SOAT1: variants seen among roughly 807,000 people sequenced by gnomAD.
SOAT1 encodes sterol O-acyltransferase 1, also known as acyl-coenzyme A:cholesterol acyltransferase 1.
In SOAT1, 55 loss-of-function variants were observed where a neutral mutation model predicts 69.5. The observed-to-expected ratio is 0.79, with a 90% CI of 0.64 to 0.99. The LOEUF is 0.99. SOAT1 is among the 50% of genes least tolerant of loss of function. SOAT1 has a pLI of 0.00. For missense variants in SOAT1, 580 were observed against 669.3 expected, an observed-to-expected ratio of 0.87 and a Z score of 1.47; for synonymous variants, 231 against 224.7, an observed-to-expected ratio of 1.03 and a Z score of -0.25.
At chr1:179,345,760 G>C (rs1666512204) in intron 11 of SOAT1, among the ~76,000 whole-genome samples, 2 of 151,948 alleles carry the variant, frequency 1.3e-5, no homozygotes, top group African/African-American at 4.8e-5. Context: ...ATGTTGCCCA[G>C]GCCATTCTCA....
intron 2 of SOAT1, among the ~76,000 whole-genome samples, chr1:179,318,007 A>G (rs1665454564): frequency 6.6e-6 from 1 of 152,022 alleles, no homozygotes. Flanking sequence ...CCAGGGCAAC[A>G]TAGTGAGACC....
chr1:179,331,546 T>C (rs1460933913), intron 3 of SOAT1, among the ~76,000 whole-genome samples: 1 of 152,194 alleles, frequency 6.6e-6, no homozygotes, highest in African/African-American at 2.4e-5. Flanking sequence ...GAGACCAGCC[T>C]GGGCAACACT....
intron 3 of SOAT1, among the ~76,000 whole-genome samples, chr1:179,333,879 G>C (rs893352136): frequency 6.6e-6 from 1 of 151,284 alleles, no homozygotes; most frequent in African/African-American, 2.4e-5. Flanking sequence ...TTTTTGTCAA[G>C]TGGTGAAAGC....
At chr1:179,333,406 A>AAT (rs1022039990) in intron 3 of SOAT1, among the ~76,000 whole-genome samples, 1 of 151,692 alleles carries the variant, frequency 6.6e-6, no homozygotes, top group Non-Finnish European at 1.5e-5. Context: ...CTAAAAAAAA[A>AAT]AAAACAAAGT....
intron 13 of SOAT1, among the ~76,000 whole-genome samples, chr1:179,349,328 A>ACTT (rs1666641842): frequency 1.7e-5 from 1 of 60,364 alleles, no homozygotes; most frequent in Non-Finnish European, 3.4e-5. Context: ...GTAGAGAAAC[A>ACTT]CTTTTTTTTT....
Position 179,347,664 on chromosome 1 carries a change from G to C in SOAT1, c.1182G>C (p.Glu394Asp), listed in dbSNP as rs1325955104. Residue 394 changes from glutamate (E) to aspartate (D), a missense_variant, in exon 12 of 16, where the codon GAG becomes GAC. Physicochemically the swap from Glu to Asp is conservative, Grantham distance 45 (BLOSUM62 2). Coordinates refer to ENST00000367619, the MANE Select transcript of SOAT1 (RefSeq NM_003101.6). ...FLHCWLNAFA[E>D]MLRFGDRMFY... ...ACTGCTGGCTCAATGCCTTTGCTGA[G>C]ATGTTACGCTTTGGTGACAGGATGT... The C allele has an allele frequency of 6.2e-7, 1 of 1,613,062 alleles. No homozygotes were observed. Among genetic ancestry groups the C allele is most frequent in the African/African-American group, 1.3e-5 (1 of 74,896 alleles).
rs1338131022 is a variant in SOAT1, at chr1:179,342,113, G to T, written c.781-1G>T. 1.9e-6 allele frequency: 3 copies of T among 1,613,522 alleles called. No individual in the cohort carries two copies. The highest frequency in any genetic ancestry group is 1.7e-5 in the Admixed American group (1 of 59,988). ...ACATCTTTTTCCTCCTGCTTTTGTA[G>T]ATTCGTTTTGTAATGAAGGCCCACT... On this transcript the variant is annotated splice_acceptor_variant, in intron 7 of 15. Coordinates refer to ENST00000367619, the MANE Select transcript of SOAT1 (RefSeq NM_003101.6). LOFTEE classifies it high-confidence loss of function.
chr1:179,297,537 A>T (rs1233043724), intron 1 of SOAT1, among the ~76,000 whole-genome samples: 1 of 151,566 alleles, frequency 6.6e-6, no homozygotes, highest in African/African-American at 2.4e-5. Context: ...GGGTTTCATC[A>T]TCTTGGCCAG....
chr1:179,357,489 T>TG lies in SOAT1; in HGVS notation c.*3849dup, dbSNP rs1409442540. The TG allele has an allele frequency of 6.6e-6, 1 of 152,238 alleles. No homozygotes were observed. Among genetic ancestry groups the TG allele is most frequent in the Non-Finnish European group, 1.5e-5 (1 of 68,066 alleles). 9.4% of individuals were successfully genotyped at this position (152,238 alleles called of 1,614,324 possible). A position where few individuals can be genotyped will look rare whatever the true frequency, so the allele number is the denominator to read the frequency against. The stretch of plus-strand genomic sequence containing the variant: ...GTGCTGGGATTATAGGCATGAGCCA[T>TG]GCTCCCGGCCAAAGTGAATGTTTTG... On this transcript the variant is annotated 3_prime_UTR_variant, in exon 16 of 16. Transcript: ENST00000367619.
chr1:179,330,797 C>T lies in SOAT1; in HGVS notation c.178-4709C>T, dbSNP rs897758200. ...TGGCTCTAGTCATTTTGTCTGAGTT[C>T]CAAGTGGCCAAATTGAGGGAAGGAA... On this transcript the variant is annotated intron_variant, in intron 3 of 15. Transcript: ENST00000367619. Among the ~76,000 whole-genome samples, 3 of 152,158 alleles carry T rather than the reference C, an allele frequency of 2.0e-5. No individual in the cohort carries two copies. In the South Asian group the frequency reaches 6.2e-4, roughly 32 times the overall value.
chr1:179,342,865 CTG>C lies in SOAT1; in HGVS notation c.865_866del (p.Val289SerfsTer21). The stretch of plus-strand genomic sequence containing the variant: ...AACTATAGTTTTCCTTTTCTAGGCA[CTG>C]TTCCAATACCTACAGTCAACCAGTA... On this transcript the variant is annotated frameshift_variant, in exon 9 of 16. Transcript: ENST00000367619. LOFTEE classifies it high-confidence loss of function. 1.9e-6 allele frequency: 3 copies of C among 1,611,078 alleles called. No individual in the cohort carries two copies. Among genetic ancestry groups the C allele is most frequent in the Non-Finnish European group, 2.5e-6 (3 of 1,177,424 alleles).
At chr1:179,348,964 G>T in intron 13 of SOAT1, 22 bp downstream of exon 13, 1 of 1,238,632 alleles carries the variant, frequency 8.1e-7, no homozygotes, top group Non-Finnish European at 1.2e-6. Flanking sequence ...GGTTTAAGTT[G>T]ATATTATTTA....
chr1:179,343,982 G>A (rs1264293649), intron 10 of SOAT1, among the ~76,000 whole-genome samples: 3 of 152,050 alleles, frequency 2.0e-5, no homozygotes, highest in Non-Finnish European at 2.9e-5. Context: ...TTAGCCTGGC[G>A]TGGAGGCACG....
At chr1:179,323,045 CTT>C (rs36045111) in intron 2 of SOAT1, among the ~76,000 whole-genome samples, 22 of 126,704 alleles carry the variant, frequency 1.7e-4, no homozygotes, top group Admixed American at 4.9e-4. Context: ...TCTTTTCTTT[CTT>C]TTTTTTTTTT....
At chr1:179,324,886 TC>T (rs1038696427) in intron 3 of SOAT1, among the ~76,000 whole-genome samples, 5 of 152,114 alleles carry the variant, frequency 3.3e-5, no homozygotes, top group Non-Finnish European at 7.3e-5. Context: ...CACTGCAACC[TC>T]CGCCTCCTGG....
chr1:179,331,899 C>CA (rs1277685687), intron 3 of SOAT1, among the ~76,000 whole-genome samples: 1 of 152,054 alleles, frequency 6.6e-6, no homozygotes, highest in Non-Finnish European at 1.5e-5. Context: ...CAAAGACAGG[C>CA]AGCAAATCAG....
intron 10 of SOAT1, among the ~76,000 whole-genome samples, chr1:179,343,996 C>A (rs1218676815): frequency 6.6e-6 from 1 of 152,052 alleles, no homozygotes. Flanking sequence ...AGGCACGTAC[C>A]TGTAATCTCA....
chr1:179,320,237 A>G (rs1452679068), intron 2 of SOAT1, among the ~76,000 whole-genome samples: 2 of 152,066 alleles, frequency 1.3e-5, no homozygotes, highest in Non-Finnish European at 2.9e-5. Context: ...GTCCATCTTC[A>G]TGCTTTTTCA....
At chr1:179,340,881 G>C (rs962688295) in intron 6 of SOAT1, 147 bp from the exon 7 acceptor site, 1 of 628,118 alleles carries the variant, frequency 1.6e-6, no homozygotes, top group African/African-American at 1.8e-5. Flanking sequence ...CTAACTAGCA[G>C]AACTATTACA....
Sources: gnomAD v4.1 joint callset for allele counts (sites outside exome capture counted in the v4.1 genomes callset) on GRCh38, gnomAD v4.1.1 for gene constraint, MANE v1.5 for transcripts, NCBI Gene and HGNC (gene_info 2026-07-23, HGNC 2026-07-21) for gene names.